The following FBXL17 variants were observed in gnomAD, a reference collection of about 807,000 sequenced individuals.
The protein encoded by FBXL17 is F-box/LRR-repeat protein 17.
FBXL17 carries 22 observed loss-of-function variants against 66.2 expected under a neutral mutation model. That is an observed-to-expected ratio of 0.33 (90% confidence interval 0.24 to 0.47). The LOEUF is 0.47. Among genes scored for constraint, FBXL17 ranks in the 20% least tolerant of loss-of-function variants. FBXL17 has a pLI of 1.00. For synonymous variants in FBXL17, 474 were observed against 400.5 expected (o/e 1.18, Z -2.19); for missense variants, 878 against 948.2 (o/e 0.93, Z 0.97).
rs1172522525 is a variant in FBXL17, at chr5:108,009,286, T to TAG, written c.1822+11638_1822+11639insCT. ...TTATATATATATATATATATATATA[T>TAG]ATATATATATATATACATATATACA... On this transcript the variant is annotated intron_variant, in intron 7 of 8. Coordinates refer to ENST00000542267, the MANE Select transcript of FBXL17 (RefSeq NM_001163315.3). Among the ~76,000 whole-genome samples the TAG allele has an allele frequency of 1.5e-3, 80 of 53,778 alleles. 10 individuals carry two copies. The highest frequency in any genetic ancestry group is 9.7e-3 in the African/African-American group (79 of 8,172). The allele number at this position is 53,778 out of a possible 152,430, so 35.3% of individuals were successfully genotyped here.
intron 5 of FBXL17, among the ~76,000 whole-genome samples, chr5:108,192,854 G>T (rs540548375): frequency 6.6e-6 from 1 of 152,176 alleles, no homozygotes; most frequent in East Asian, 1.9e-4. Context: ...ATTTTCTTAA[G>T]ACCCTACAAA....
chr5:108,215,736 G>A (rs1358147388), intron 5 of FBXL17, among the ~76,000 whole-genome samples: 2 of 151,250 alleles, frequency 1.3e-5, no homozygotes. Flanking sequence ...TTCTTCTGTT[G>A]CTCATGCTTT....
chr5:107,941,621 A>G (rs769779463), intron 7 of FBXL17, among the ~76,000 whole-genome samples: 2 of 152,156 alleles, frequency 1.3e-5, no homozygotes, highest in Admixed American at 6.5e-5. Flanking sequence ...TTCCCCAGAG[A>G]GTTTTAGTTC....
intron 4 of FBXL17, among the ~76,000 whole-genome samples, chr5:108,231,606 G>T (rs1580659535): frequency 6.6e-6 from 1 of 152,072 alleles, no homozygotes; most frequent in Non-Finnish European, 1.5e-5. Flanking sequence ...CTTAGTTCCA[G>T]AGGAAACACT....
rs1229050573 is a variant in FBXL17, at chr5:108,351,671, T to C, written c.1375-3141A>G. 2.0e-5 allele frequency among the ~76,000 whole-genome samples: 3 copies of C among 152,228 alleles called. No homozygotes were observed. In the East Asian group the frequency reaches 5.8e-4, roughly 29 times the overall value. On this transcript the variant is annotated intron_variant, in intron 3 of 8. Coordinates refer to ENST00000542267, the MANE Select transcript of FBXL17 (RefSeq NM_001163315.3). ...TCTCCACCTTAGATTTTCTGAGTGC[T>C]AAAGCTGACATCTTGCTCCTTCATC...
chr5:108,119,337 T>C lies in FBXL17; in HGVS notation c.1745+66780A>G, dbSNP rs146085782. 6.5e-3 allele frequency among the ~76,000 whole-genome samples: 996 copies of C among 152,202 alleles called. 5 individuals carry two copies. The highest frequency in any genetic ancestry group is 0.011 in the Non-Finnish European group (774 of 68,000). ...ATTCTATTCATAGCCTGGAATAAAT[T>C]AGGCACTTCAGGGAATGGAAACTGC... On this transcript the variant is annotated intron_variant, in intron 6 of 8. Transcript: ENST00000542267.
chr5:108,098,469 G>A (rs1424817067), intron 6 of FBXL17, among the ~76,000 whole-genome samples: 1 of 152,114 alleles, frequency 6.6e-6, no homozygotes, highest in Non-Finnish European at 1.5e-5. Flanking sequence ...TTTCATGCCG[G>A]GTGCAGTGGC....
chr5:108,154,614 TATACACACACACACAC>T (rs1751906436), intron 6 of FBXL17, among the ~76,000 whole-genome samples: 2 of 98,292 alleles, frequency 2.0e-5, no homozygotes, highest in African/African-American at 7.5e-5. Context: ...AAAATATATA[TATACACACACACACAC>T]ACACACACAC....
At chr5:107,873,159 G>C (rs1748511352) in intron 8 of FBXL17, among the ~76,000 whole-genome samples, 2 of 152,254 alleles carry the variant, frequency 1.3e-5, no homozygotes, top group Non-Finnish European at 2.9e-5. Context: ...GAGAGGCTTA[G>C]AGGACCACAG....
intron 5 of FBXL17, among the ~76,000 whole-genome samples, chr5:108,204,248 GGC>G (rs1754019307): frequency 6.6e-6 from 1 of 151,862 alleles, no homozygotes; most frequent in Non-Finnish European, 1.5e-5. Flanking sequence ...TGATTGCAGT[GGC>G]ATGATCATGG....
Position 108,312,171 on chromosome 5 carries a change from C to A in FBXL17, c.1506+36228G>T, listed in dbSNP as rs1012525864. 2.0e-5 allele frequency among the ~76,000 whole-genome samples: 3 copies of A among 152,018 alleles called. No homozygotes were observed. The South Asian group carries it at 6.2e-4, about 31-fold the overall frequency. On this transcript the variant is annotated intron_variant, in intron 4 of 8. Coordinates refer to ENST00000542267, the MANE Select transcript of FBXL17 (RefSeq NM_001163315.3). The stretch of plus-strand genomic sequence containing the variant: ...TCACAGCTTATGTAAAAGGCTATTG[C>A]AGAACAGATTAGGAGCCCATTACAT...
At chr5:108,303,335 A>G (rs936295401) in intron 4 of FBXL17, among the ~76,000 whole-genome samples, 2 of 149,326 alleles carry the variant, frequency 1.3e-5, no homozygotes, top group Non-Finnish European at 3.0e-5. Context: ...TTGACCAGAT[A>G]ACTTCCTCCA....
chr5:107,904,226 C>T (rs1749673994), intron 7 of FBXL17, among the ~76,000 whole-genome samples: 1 of 152,120 alleles, frequency 6.6e-6, no homozygotes, highest in Non-Finnish European at 1.5e-5. Context: ...TTTCCTATCT[C>T]ACGATGGCAC....
chr5:108,037,433 G>A (rs1746889392), intron 6 of FBXL17, among the ~76,000 whole-genome samples: 1 of 152,174 alleles, frequency 6.6e-6, no homozygotes, highest in East Asian at 1.9e-4. Flanking sequence ...TATTTTCAAA[G>A]AAGGTAGATG....
intron 4 of FBXL17, among the ~76,000 whole-genome samples, chr5:108,283,644 T>G (rs866724481): frequency 2.0e-5 from 3 of 151,502 alleles, no homozygotes; most frequent in Middle Eastern, 6.8e-3. Flanking sequence ...GATTAAGACC[T>G]CAAAAGCAGA....
intron 1 of FBXL17, among the ~76,000 whole-genome samples, chr5:108,370,211 T>G (rs561583479): frequency 9.8e-5 from 15 of 152,344 alleles, no homozygotes; most frequent in African/African-American, 2.4e-4. Context: ...GTTTTGTTTT[T>G]TTTCTCATTA....
intron 6 of FBXL17, among the ~76,000 whole-genome samples, chr5:108,143,726 G>GAA (rs67537467): frequency 0.12 from 12,703 of 106,424 alleles, 738 homozygotes; most frequent in East Asian, 0.13. Flanking sequence ...GTTTTCATGG[G>GAA]AAAAAAAAAA....
At chr5:107,957,854 G>C (rs572282096) in intron 7 of FBXL17, among the ~76,000 whole-genome samples, 2 of 152,278 alleles carry the variant, frequency 1.3e-5, no homozygotes, top group South Asian at 4.1e-4. Flanking sequence ...GCTGAAAAAT[G>C]AATCTCCATT....
At chr5:108,011,507 G>C in intron 7 of FBXL17, among the ~76,000 whole-genome samples, 1 of 152,084 alleles carries the variant, frequency 6.6e-6, no homozygotes, top group Non-Finnish European at 1.5e-5. Flanking sequence ...TCTCTCAGGA[G>C]AAGAAAGTTA....
Sources: gnomAD v4.1 joint callset for allele counts (sites outside exome capture counted in the v4.1 genomes callset) on GRCh38, gnomAD v4.1.1 for gene constraint, MANE v1.5 for transcripts, NCBI Gene and HGNC (gene_info 2026-07-23, HGNC 2026-07-21) for gene names.